ATP8A2: variants seen among roughly 807,000 people sequenced by gnomAD.
ATP8A2 encodes the protein ATPase phospholipid transporting 8A2.
A neutral mutation model predicts 165.6 loss-of-function variants in ATP8A2; 100 were observed. The ratio of observed to expected loss-of-function variants is 0.60; its 90% CI spans 0.51 to 0.71. The LOEUF (loss-of-function observed/expected upper bound fraction) is 0.71, where lower values mean the gene tolerates loss of function less well. Ranked by LOEUF, ATP8A2 falls within the 30% of genes least tolerant of loss-of-function variation. The probability of loss-of-function intolerance (pLI) is 0.00; values close to 1 mark genes in which losing one functional copy is unlikely to be tolerated. For missense variants in ATP8A2, 1,227 were observed against 1,479.5 expected (o/e 0.83, Z 2.80); for synonymous variants, 543 against 548.8 (o/e 0.99, Z 0.15).
At chr13:25,738,288 T>C (rs1162268831) in intron 25 of ATP8A2, among the ~76,000 whole-genome samples, 4 of 152,056 alleles carry the variant, frequency 2.6e-5, no homozygotes, top group African/African-American at 9.7e-5. Flanking sequence ...CACTCCCTCT[T>C]GTCTCTTGTT....
At chr13:25,580,032 C>G in intron 22 of ATP8A2, 85 bp downstream of exon 22, 1 of 1,476,568 alleles carries the variant, frequency 6.8e-7, no homozygotes, top group East Asian at 2.3e-5. Flanking sequence ...AATCCTTTTA[C>G]TATGTAGGGA....
intron 24 of ATP8A2, among the ~76,000 whole-genome samples, chr13:25,614,409 G>C (rs929415977): frequency 2.6e-5 from 4 of 151,892 alleles, no homozygotes; most frequent in Admixed American, 6.6e-5. Flanking sequence ...GGATTTTTCT[G>C]TCCATATCCT....
intron 35 of ATP8A2, among the ~76,000 whole-genome samples, chr13:26,001,778 A>G (rs1956635285): frequency 6.6e-6 from 1 of 152,094 alleles, no homozygotes; most frequent in Non-Finnish European, 1.5e-5. Flanking sequence ...CTAGACCTTT[A>G]TCAGATATGA....
chr13:25,570,974 C>T (rs1159662930), intron 17 of ATP8A2, 102 bp downstream of exon 17: 3 of 809,010 alleles, frequency 3.7e-6, no homozygotes, highest in South Asian at 1.8e-5. Context: ...CCCACAGACT[C>T]GGCTGTCTGC....
At chr13:25,693,370 A>G (rs982642179) in intron 24 of ATP8A2, among the ~76,000 whole-genome samples, 2 of 152,162 alleles carry the variant, frequency 1.3e-5, no homozygotes, top group Non-Finnish European at 2.9e-5. Flanking sequence ...GTTTGATCAA[A>G]GATTATTGCC....
At chr13:25,596,491 A>G (rs1162998124) in intron 24 of ATP8A2, among the ~76,000 whole-genome samples, 2 of 152,190 alleles carry the variant, frequency 1.3e-5, no homozygotes, top group African/African-American at 4.8e-5. Context: ...AACACAATGG[A>G]TTAATTGTGC....
chr13:25,648,211 T>C (rs2041725269), intron 24 of ATP8A2, among the ~76,000 whole-genome samples: 1 of 152,220 alleles, frequency 6.6e-6, no homozygotes, highest in Non-Finnish European at 1.5e-5. Flanking sequence ...AACTTTCTCT[T>C]GCATTTTCCA....
chr13:25,606,371 A>C (rs982034653), intron 24 of ATP8A2, among the ~76,000 whole-genome samples: 5 of 152,230 alleles, frequency 3.3e-5, no homozygotes, highest in Admixed American at 3.3e-4. Flanking sequence ...TGTACGATTT[A>C]AGAACATGTT....
At chr13:25,540,282 C>T in intron 7 of ATP8A2, 37 bp from the exon 8 acceptor site, 1 of 1,483,930 alleles carries the variant, frequency 6.7e-7, no homozygotes, top group Non-Finnish European at 9.4e-7. Context: ...GTGGAAAGGA[C>T]CTTATGAAAC....
chr13:25,934,228 A>C (rs751444150), intron 33 of ATP8A2, among the ~76,000 whole-genome samples: 14 of 152,358 alleles, frequency 9.2e-5, no homozygotes, highest in Non-Finnish European at 1.8e-4. Flanking sequence ...TCTAGTATGT[A>C]CGGGTAGGCT....
intron 35 of ATP8A2, among the ~76,000 whole-genome samples, chr13:26,004,387 C>T (rs1472996982): frequency 6.6e-6 from 1 of 152,002 alleles, no homozygotes; most frequent in Non-Finnish European, 1.5e-5. Context: ...ACTAAATTTA[C>T]TAGTTCTAAA....
At chr13:25,667,262 G>C (rs757970285) in intron 24 of ATP8A2, among the ~76,000 whole-genome samples, 1 of 152,046 alleles carries the variant, frequency 6.6e-6, no homozygotes, top group Non-Finnish European at 1.5e-5. Flanking sequence ...TGGTTTGTTT[G>C]CCTCCACCGA....
At chr13:25,429,527 C>A (rs1003224933) in intron 1 of ATP8A2, among the ~76,000 whole-genome samples, 5 of 150,392 alleles carry the variant, frequency 3.3e-5, no homozygotes, top group Admixed American at 6.7e-5. Flanking sequence ...GTTCTTCATG[C>A]TGCAGTCATT....
At chr13:25,915,893 T>C (rs1311962003) in intron 33 of ATP8A2, among the ~76,000 whole-genome samples, 1 of 152,266 alleles carries the variant, frequency 6.6e-6, no homozygotes, top group Non-Finnish European at 1.5e-5. Context: ...TATGTTGTTC[T>C]CTACCAGTGC....
At chr13:25,605,802 GGTT>G (rs2040501895) in intron 24 of ATP8A2, among the ~76,000 whole-genome samples, 4 of 152,042 alleles carry the variant, frequency 2.6e-5, no homozygotes, top group South Asian at 4.2e-4. Flanking sequence ...TGGACATTGA[GGTT>G]GTTTCTAACC....
chr13:25,408,217 A>T (rs2033864308), intron 1 of ATP8A2, among the ~76,000 whole-genome samples: 1 of 151,912 alleles, frequency 6.6e-6, no homozygotes, highest in Non-Finnish European at 1.5e-5. Flanking sequence ...ACGTGGTGAA[A>T]CCCCGTCTCT....
At chr13:25,911,518 C>A (rs954202070) in intron 33 of ATP8A2, among the ~76,000 whole-genome samples, 1 of 152,128 alleles carries the variant, frequency 6.6e-6, no homozygotes, top group Non-Finnish European at 1.5e-5. Context: ...TGCTAAGAGC[C>A]ACTAAAACTT....
chr13:25,785,664 C>G (rs536774452), intron 27 of ATP8A2, among the ~76,000 whole-genome samples: 1 of 152,156 alleles, frequency 6.6e-6, no homozygotes, highest in African/African-American at 2.4e-5. Context: ...AGCCACTGAT[C>G]GTGCCTTTCT....
At chr13:25,981,976 A>G (rs904655127) in intron 35 of ATP8A2, among the ~76,000 whole-genome samples, 1 of 152,216 alleles carries the variant, frequency 6.6e-6, no homozygotes, top group Non-Finnish European at 1.5e-5. Context: ...ACAACTTTTC[A>G]TTACTAGTGG....
Sources: gnomAD v4.1 joint callset for allele counts (sites outside exome capture counted in the v4.1 genomes callset) on GRCh38, gnomAD v4.1.1 for gene constraint, MANE v1.5 for transcripts, NCBI Gene and HGNC (gene_info 2026-07-23, HGNC 2026-07-21) for gene names.